The following BOK variants were observed in gnomAD, a reference collection of about 807,000 sequenced individuals.
The protein encoded by BOK is BCL2 family apoptosis regulator BOK.
In BOK, 20 loss-of-function variants were observed where a neutral mutation model predicts 18.3. The ratio of observed to expected loss-of-function variants is 1.09; its 90% CI spans 0.77 to 1.59. The LOEUF (loss-of-function observed/expected upper bound fraction) is 1.59. Ranked by LOEUF, BOK falls within the 40% of genes most tolerant of loss-of-function variation. The pLI, the probability that BOK is intolerant of heterozygous loss-of-function variation, is 0.00. For synonymous variants in BOK, 173 were observed against 142.4 expected (o/e 1.21, Z -1.53); for missense variants, 348 against 307.9 (o/e 1.13, Z -0.97).
Position 241,562,823 on chromosome 2 carries a change from G to A in BOK, c.349+347G>A, listed in dbSNP as rs930904187. 5.9e-5 allele frequency among the ~76,000 whole-genome samples: 9 copies of A among 152,294 alleles called. No homozygotes were observed. The South Asian group carries it at 1.2e-3, about 21-fold the overall frequency. The stretch of plus-strand genomic sequence containing the variant: ...TGCCTGGTTTCCTGCAGGGGCCCCC[G>A]AGCGGGGCTTGGGCTTCTCACAGCA... On this transcript the variant is annotated intron_variant, in intron 3 of 4. Transcript: ENST00000318407. This position sits in a 1 kb window ranked among gnomAD's most constrained non-coding sequence, Gnocchi z 4.5.
In BOK at chr2:241,559,599, T is replaced by C; in HGVS notation, c.116T>C (p.Val39Ala). ...AQAKALGREY[V>A]HARLLRAGLS... ...GCCAAGGCGCTGGGCCGGGAGTACGTGCACGCGCGGCTGCTGCGCGCCGGC... is the reference window on the plus strand; with the variant it reads ...GCCAAGGCGCTGGGCCGGGAGTACGCGCACGCGCGGCTGCTGCGCGCCGGC... The change falls in exon 2 of 5, where the codon GTG (valine) becomes GCG (alanine). Residue 39 changes from valine to alanine, a missense_variant. Transcript: ENST00000318407. 4 of 1,492,864 alleles carry C rather than the reference T, an allele frequency of 2.7e-6. No individual in the cohort carries two copies. The highest frequency in any genetic ancestry group is 2.8e-5 in the East Asian group (1 of 35,256). The allele number at this position is 1,492,864 out of a possible 1,614,324, so 92.5% of individuals were successfully genotyped here. A position where few individuals can be genotyped will look rare whatever the true frequency, so the allele number is the denominator to read the frequency against.
rs1444752534 is a variant in BOK at position 241,562,102 on chromosome 2, C to T, written c.221-246C>T. On this transcript the variant is annotated intron_variant, in intron 2 of 4. Transcript: ENST00000318407. The surrounding 1 kb of genome is among the most constrained non-coding windows in gnomAD (Gnocchi z 4.5). The stretch of plus-strand genomic sequence containing the variant: ...CGGCTAGGCTTAGGGGCTGGCTCGT[C>T]AGAGGGGCGGGACTGGGGGCGCCTT... Among the ~76,000 whole-genome samples the T allele has an allele frequency of 3.3e-5, 5 of 152,248 alleles. No individual in the cohort carries two copies. Among genetic ancestry groups the T allele is most frequent in the Non-Finnish European group, 5.9e-5 (4 of 68,042 alleles).
intron 3 of BOK, among the ~76,000 whole-genome samples, chr2:241,563,866 C>G (rs1320823773): frequency 6.6e-6 from 1 of 152,228 alleles, no homozygotes; most frequent in Admixed American, 6.5e-5. Context: ...CACCGGAGGG[C>G]AAGGGGAAGA....
chr2:241,554,156 G>T (rs1436492787), upstream of BOK, among the ~76,000 whole-genome samples: 1 of 152,224 alleles, frequency 6.6e-6, no homozygotes, highest in African/African-American at 2.4e-5. Context: ...AGCCTTCCAG[G>T]AGGACAACCA....
chr2:241,571,331 T>C lies in BOK; in HGVS notation c.514-966T>C, dbSNP rs531296845. 2.3e-3 allele frequency among the ~76,000 whole-genome samples: 346 copies of C among 152,250 alleles called. 1 individual carries two copies. Among genetic ancestry groups the C allele is most frequent in the African/African-American group, 8.0e-3 (331 of 41,528 alleles). On this transcript the variant is annotated intron_variant, in intron 4 of 4. Coordinates refer to ENST00000318407, the MANE Select transcript of BOK (RefSeq NM_032515.5). ...CCAGACCGCAGTTGCCGCTGGGCCC[T>C]GGGTGTGGAGGGTGGCTCCCCTGCC...
chr2:241,555,835 T>C (rs2066446799), upstream of BOK, among the ~76,000 whole-genome samples: 1 of 152,094 alleles, frequency 6.6e-6, no homozygotes, highest in African/African-American at 2.4e-5. Context: ...AGGAGACGGC[T>C]CCAACAGGAG....
In BOK at chr2:241,562,384, G is replaced by A. The variant is rs748812814; in HGVS notation, c.257G>A (p.Arg86His). 10 of 1,611,246 alleles carry A rather than the reference G, an allele frequency of 6.2e-6. No homozygotes were observed. Among genetic ancestry groups the A allele is most frequent in the African/African-American group, 2.7e-5 (2 of 74,922 alleles). The change falls in exon 3 of 5, where the codon CGC becomes CAC. Residue 86 changes from arginine (R) to histidine (H), a missense_variant. Physicochemically the swap from Arg to His is conservative, Grantham distance 29 (BLOSUM62 0). Transcript: ENST00000318407. The surrounding 1 kb of genome is among the most constrained non-coding windows in gnomAD (Gnocchi z 4.5). ...GAGATGATCCGGCCCAGCGTCTACC[G>A]CAACGTGGCGCGTCAGCTGCACATC... ...ELEMIRPSVY[R>H]NVARQLHISL...
At chr2:241,555,378 A>AT (rs11382322), upstream of BOK, among the ~76,000 whole-genome samples, 48,832 of 138,964 alleles carry the variant, frequency 0.35, 8,604 homozygotes, top group Admixed American at 0.45. Flanking sequence ...CACTGAGGTC[A>AT]TTTTTTTTTT....
Position 241,574,000 on chromosome 2 carries a change from G to C in BOK, c.*1578G>C, listed in dbSNP as rs573866246. The C allele has an allele frequency of 2.0e-5, 3 of 152,298 alleles. No homozygotes were observed. The highest frequency in any genetic ancestry group is 7.2e-5 in the African/African-American group (3 of 41,440). The allele number at this position is 152,298 out of a possible 1,614,324, so 9.4% of individuals were successfully genotyped here. A position where few individuals can be genotyped will look rare whatever the true frequency, so the allele number is the denominator to read the frequency against. On this transcript the variant is annotated 3_prime_UTR_variant, in exon 5 of 5. Transcript: ENST00000318407. Reference sequence around the variant, plus strand: ...ACCTGAGCCCTCCCGGCCAGGCTTCGTGCTGGGGTGGGCCATGTGCCAGGA... The same window carrying C: ...ACCTGAGCCCTCCCGGCCAGGCTTCCTGCTGGGGTGGGCCATGTGCCAGGA...
At position 241,573,370 on chromosome 2, in the gene BOK, C is replaced by T. The variant is rs570683257; in HGVS notation, c.*948C>T. The stretch of plus-strand genomic sequence containing the variant: ...GCCCGGGAACACCTCTCACCTGAAC[C>T]CGGGGGTCCCATCCCAGGAAGAAGG... On this transcript the variant is annotated 3_prime_UTR_variant, in exon 5 of 5. Coordinates refer to ENST00000318407, the MANE Select transcript of BOK (RefSeq NM_032515.5). The T allele has an allele frequency of 2.6e-5, 4 of 152,456 alleles. No homozygotes were observed. In the South Asian group the frequency reaches 8.3e-4, roughly 32 times the overall value. 9.4% of individuals were successfully genotyped at this position (152,456 alleles called of 1,614,324 possible).
upstream of BOK, among the ~76,000 whole-genome samples, chr2:241,554,670 G>A (rs149364542): frequency 1.3e-5 from 2 of 152,380 alleles, no homozygotes; most frequent in East Asian, 3.9e-4. Context: ...CTGAACTTGT[G>A]AGGTATATAC....
At chr2:241,567,718 C>T (rs1363657052) in intron 3 of BOK, among the ~76,000 whole-genome samples, 2 of 135,162 alleles carry the variant, frequency 1.5e-5, no homozygotes, top group Non-Finnish European at 3.2e-5. Context: ...CACGGGAAGT[C>T]ACAGCAACAC....
At chr2:241,572,122 T>C (rs1033055714) in intron 4 of BOK, among the ~76,000 whole-genome samples, 175 bp from the exon 5 acceptor site, 11 of 152,240 alleles carry the variant, frequency 7.2e-5, no homozygotes, top group African/African-American at 2.7e-4. Flanking sequence ...GCATCGGGTC[T>C]GGTCTTGTGT....
chr2:241,561,821 T>C (rs1574996181), intron 2 of BOK, among the ~76,000 whole-genome samples: 1 of 152,236 alleles, frequency 6.6e-6, no homozygotes, highest in Non-Finnish European at 1.5e-5. Context: ...GAGTGGTCCC[T>C]GAGCCATGCT....
In BOK at chr2:241,573,264, G is replaced by A. The variant is rs1281815220; in HGVS notation, c.*842G>A. ...CTCTCACCTGAGCCCCAGGTGAAGG[G>A]GCCCGGAACACCTCCTCTCACCTGA... On this transcript the variant is annotated 3_prime_UTR_variant, in exon 5 of 5. Coordinates refer to ENST00000318407, the MANE Select transcript of BOK (RefSeq NM_032515.5). 4 of 145,576 alleles carry A rather than the reference G, an allele frequency of 2.7e-5. No homozygotes were observed. Among genetic ancestry groups the A allele is most frequent in the Admixed American group, 2.7e-4 (4 of 14,736 alleles). 9.0% of individuals were successfully genotyped at this position (145,576 alleles called of 1,614,324 possible).
At position 241,562,320 on chromosome 2, in the gene BOK, C is replaced by T. The variant is rs762470932; in HGVS notation, c.221-28C>T. On this transcript the variant is annotated intron_variant, in intron 2 of 4. Transcript: ENST00000318407. This position sits in a 1 kb window ranked among gnomAD's most constrained non-coding sequence, Gnocchi z 4.5. ...TCCCAGGAAGCTGGGACGTGGGCTG[C>T]CTCTCACCTGCTCTTGTGACCACAC... The T allele has an allele frequency of 1.9e-6, 3 of 1,570,966 alleles. No homozygotes were observed. In the South Asian group the frequency reaches 3.6e-5, roughly 19 times the overall value.
upstream of BOK, among the ~76,000 whole-genome samples, chr2:241,556,519 G>T (rs2066451335): frequency 7.2e-6 from 1 of 139,700 alleles, no homozygotes. Flanking sequence ...AGGAGGCGGG[G>T]TTGCAGTGAG....
upstream of BOK, among the ~76,000 whole-genome samples, chr2:241,554,938 T>A (rs1173516243): frequency 1.3e-5 from 2 of 151,770 alleles, no homozygotes; most frequent in Admixed American, 1.3e-4. Context: ...GAGAGAGGAG[T>A]CAGTTGCATG....
At chr2:241,568,133 A>T (rs1405446364) in intron 3 of BOK, among the ~76,000 whole-genome samples, 2 of 151,676 alleles carry the variant, frequency 1.3e-5, no homozygotes, top group East Asian at 3.9e-4. Flanking sequence ...TTATTTATTT[A>T]TTATTTATTT....
Sources: gnomAD v4.1 joint callset for allele counts (sites outside exome capture counted in the v4.1 genomes callset) on GRCh38, gnomAD v4.1.1 for gene constraint, Gnocchi (gnomAD v3.1) non-coding constraint, MANE v1.5 for transcripts, NCBI Gene and HGNC (gene_info 2026-07-23, HGNC 2026-07-21) for gene names.